The following PCDHGA3 variants were observed in gnomAD, a reference collection of about 807,000 sequenced individuals.
PCDHGA3 encodes protocadherin gamma-A3.
A neutral mutation model predicts 58.5 loss-of-function variants in PCDHGA3; 40 were observed. The observed-to-expected ratio is 0.68, with a 90% confidence interval of 0.53 to 0.89. PCDHGA3 has a LOEUF of 0.89. Among genes scored for constraint, PCDHGA3 ranks in the 40% least tolerant of loss-of-function variants. PCDHGA3 has a pLI of 0.00. For missense variants in PCDHGA3, 1,223 were observed against 1,195.9 expected, an observed-to-expected ratio of 1.02 and a Z score of -0.33; for synonymous variants, 530 against 525.7, an observed-to-expected ratio of 1.01 and a Z score of -0.11.
chr5:141,372,177 G>T (rs1768466663), intron 1 of PCDHGA3: 1 of 1,613,730 alleles, frequency 6.2e-7, no homozygotes, highest in African/African-American at 1.3e-5. Flanking sequence ...GGTGGCGGTG[G>T]ACGCAGACTC....
chr5:141,414,783 G>C, intron 1 of PCDHGA3: 2 of 1,614,220 alleles, frequency 1.2e-6, no homozygotes, highest in Non-Finnish European at 1.7e-6. Context: ...AGATGCAGGT[G>C]ACAGCCAGCG....
chr5:141,365,656 A>G (rs923075599), intron 1 of PCDHGA3: 1 of 1,613,518 alleles, frequency 6.2e-7, no homozygotes, highest in Admixed American at 1.7e-5. Flanking sequence ...CCTTGAAAGT[A>G]GCAGACGTTA....
At chr5:141,484,468 C>T (rs2099596877) in intron 1 of PCDHGA3, among the ~76,000 whole-genome samples, 1 of 152,200 alleles carries the variant, frequency 6.6e-6, no homozygotes, top group South Asian at 2.1e-4. Context: ...ATGTGTAAGC[C>T]TTTTCTGCAA....
rs778071643 is a variant in PCDHGA3, at chr5:141,356,356, A to G, written c.2424+9899A>G. On this transcript the variant is annotated intron_variant, in intron 1 of 3. Coordinates refer to ENST00000253812, the MANE Select transcript of PCDHGA3 (RefSeq NM_018916.4). The stretch of plus-strand genomic sequence containing the variant: ...AGGAAATGGCCTAGTCACATGTTCT[A>G]TTCCAGATAATCTGCCATTCACACT... 16 of 1,556,750 alleles carry G rather than the reference A, an allele frequency of 1.0e-5. No individual in the cohort carries two copies. In the Admixed American group the frequency reaches 2.7e-4, roughly 27 times the overall value.
intron 1 of PCDHGA3, chr5:141,419,430 A>T: frequency 1.2e-6 from 2 of 1,613,318 alleles, no homozygotes; most frequent in Non-Finnish European, 1.7e-6. Flanking sequence ...GACCACGAGC[A>T]GCTGCGCACC....
rs746231333 is a variant in PCDHGA3, at chr5:141,344,738, A to T, written c.705A>T (p.Ala235=). The change falls in exon 1 of 4, where the codon GCA becomes GCT. Residue 235 remains alanine (A), a synonymous_variant. Transcript: ENST00000253812. ...ACATCCAAGTGATAGTCCTGGATGC[A>T]AATGACAACCCACCAATGTTTACTC... ...NLHIQVIVLD[A]NDNPPMFTQP... 6.2e-7 allele frequency: 1 copy of T among 1,613,992 alleles called. No homozygotes were observed. Among genetic ancestry groups the T allele is most frequent in the Non-Finnish European group, 8.5e-7 (1 of 1,179,892 alleles).
chr5:141,413,932 G>T (rs762255781), intron 1 of PCDHGA3: 2 of 1,613,426 alleles, frequency 1.2e-6, no homozygotes, highest in Admixed American at 1.7e-5. Context: ...AGAATACCGA[G>T]TGAGTGTTCC....
chr5:141,469,711 T>C (rs894622720), intron 1 of PCDHGA3, among the ~76,000 whole-genome samples: 13 of 152,372 alleles, frequency 8.5e-5, no homozygotes, highest in African/African-American at 2.4e-4. Flanking sequence ...AATCACACTA[T>C]TAGGAATTTA....
Position 141,343,890 on chromosome 5 carries a change from G to A in PCDHGA3, c.-144G>A, listed in dbSNP as rs1757337534. ...AATCAGACTCAGAAGATCCGGGGCG[G>A]CTGCCAACCTCACCTCTTAGTCAAC... On this transcript the variant is annotated 5_prime_UTR_variant, in exon 1 of 4. Transcript: ENST00000253812. 2 of 693,076 alleles carry A rather than the reference G, an allele frequency of 2.9e-6. No individual in the cohort carries two copies. Among genetic ancestry groups the A allele is most frequent in the South Asian group, 2.7e-5 (1 of 36,660 alleles). 42.9% of individuals were successfully genotyped at this position (693,076 alleles called of 1,614,324 possible). A position where few individuals can be genotyped will look rare whatever the true frequency, so the allele number is the denominator to read the frequency against.
intron 1 of PCDHGA3, among the ~76,000 whole-genome samples, chr5:141,354,267 C>T (rs1232000515): frequency 1.3e-5 from 2 of 152,070 alleles, no homozygotes; most frequent in Non-Finnish European, 1.5e-5. Flanking sequence ...TTAGGCTTTG[C>T]ATTTGAACTG....
At chr5:141,370,968 C>A (rs528172004) in intron 1 of PCDHGA3, 3 of 1,613,848 alleles carry the variant, frequency 1.9e-6, no homozygotes, top group East Asian at 2.2e-5. Flanking sequence ...CAGTAGGTAC[C>A]CAGAGCTAGT....
At chr5:141,387,274 AT>A (rs2090884370) in intron 1 of PCDHGA3, among the ~76,000 whole-genome samples, 1 of 152,244 alleles carries the variant, frequency 6.6e-6, no homozygotes, top group South Asian at 2.1e-4. Context: ...GTTAGGAACA[AT>A]GAAAGAAAGA....
chr5:141,353,366 G>A (rs1188764395), intron 1 of PCDHGA3, among the ~76,000 whole-genome samples: 1 of 152,122 alleles, frequency 6.6e-6, no homozygotes, highest in Non-Finnish European at 1.5e-5. Flanking sequence ...TGTAATTGAT[G>A]TAATTATGTA....
Position 141,486,829 on chromosome 5 carries a change from T to A in PCDHGA3, c.2425-7978T>A. 1 of 1,614,178 alleles carries A rather than the reference T, an allele frequency of 6.2e-7. No individual in the cohort carries two copies. On this transcript the variant is annotated intron_variant, in intron 1 of 3. Coordinates refer to ENST00000253812, the MANE Select transcript of PCDHGA3 (RefSeq NM_018916.4). The surrounding 1 kb of genome is among the most constrained non-coding windows in gnomAD (Gnocchi z 5.0). ...CCCTTAGCAGCACTGTAACAGTTCG[T>A]CTATTTGTGCTGGACCTCAATGACA...
At chr5:141,348,596 G>A (rs1588473926) in intron 1 of PCDHGA3, among the ~76,000 whole-genome samples, 1 of 152,154 alleles carries the variant, frequency 6.6e-6, no homozygotes, top group East Asian at 1.9e-4. Flanking sequence ...TACACTGAGA[G>A]TATGGAACCC....
chr5:141,398,684 A>G (rs752285568), intron 1 of PCDHGA3: 1 of 1,613,958 alleles, frequency 6.2e-7, no homozygotes, highest in Admixed American at 1.7e-5. Context: ...AAGGAGAAAC[A>G]GGATGGTAGT....
At chr5:141,420,403 G>T in intron 1 of PCDHGA3, 3 of 1,246,014 alleles carry the variant, frequency 2.4e-6, no homozygotes, top group East Asian at 2.8e-5. Context: ...TCAAATTTAT[G>T]GTTATCATTA....
At chr5:141,371,474 T>A in intron 1 of PCDHGA3, 1 of 1,613,986 alleles carries the variant, frequency 6.2e-7, no homozygotes, top group South Asian at 1.1e-5. Flanking sequence ...AAGAAGATGC[T>A]GAGCTGGGGA....
rs535194185 is a variant in PCDHGA3, at chr5:141,485,480, A to C, written c.2425-9327A>C. 6.2e-7 allele frequency: 1 copy of C among 1,614,154 alleles called. No individual in the cohort carries two copies. The highest frequency in any genetic ancestry group is 1.7e-5 in the Admixed American group (1 of 60,020). On this transcript the variant is annotated intron_variant, in intron 1 of 3. Coordinates refer to ENST00000253812, the MANE Select transcript of PCDHGA3 (RefSeq NM_018916.4). This position sits in a 1 kb window ranked among gnomAD's most constrained non-coding sequence, Gnocchi z 5.7. The stretch of plus-strand genomic sequence containing the variant: ...ACTGTGTGGGCTCAGTGCCAGCTGC[A>C]TCGTGCCCCTGGAGTTTGTCACCGA...
Sources: allele counts gnomAD v4.1 joint callset (sites outside exome capture counted in the v4.1 genomes callset), GRCh38; gene constraint gnomAD v4.1.1; non-coding constraint Gnocchi (gnomAD v3.1); transcripts MANE v1.5; gene names NCBI Gene and HGNC (gene_info 2026-07-23, HGNC 2026-07-21).